ZNF831: variants seen among roughly 807,000 people sequenced by gnomAD.
ZNF831 encodes the protein zinc finger protein 831, also known as chromosome 20 open reading frame 174.
A neutral mutation model predicts 95.8 loss-of-function variants in ZNF831; 59 were observed. The observed-to-expected ratio is 0.62, with a 90% CI of 0.50 to 0.77. The LOEUF (loss-of-function observed/expected upper bound fraction) is 0.77. Among genes scored for constraint, ZNF831 ranks in the 30% least tolerant of loss-of-function variants. ZNF831 has a pLI of 0.00. For missense variants in ZNF831, 2,205 were observed against 2,164.0 expected (o/e 1.02, Z -0.38); for synonymous variants, 961 against 925.5 (o/e 1.04, Z -0.70).
In ZNF831 at chr20:59,194,323, G is replaced by A. The variant is rs1983894579; in HGVS notation, c.3304G>A (p.Glu1102Lys). The change falls in exon 2 of 6, where the codon GAG becomes AAG. Residue 1102 changes from glutamate to lysine, a missense_variant. Glu to Lys is a moderately conservative substitution (Grantham distance 56). Transcript: ENST00000371030. ...DVLNPWVPNW[E>K]LGEPPGNAPE... ...CCTGAATCCCTGGGTACCCAACTGG[G>A]AGCTGGGGGAGCCTCCTGGGAATGC... The A allele has an allele frequency of 1.9e-6, 3 of 1,613,740 alleles. No individual in the cohort carries two copies. The highest frequency in any genetic ancestry group is 2.2e-5 in the East Asian group (1 of 44,876).
In ZNF831 at chr20:59,164,205, A is replaced by T. The variant is rs1363927821; in HGVS notation, c.-39A>T. Among the ~76,000 whole-genome samples, 1 of 152,158 alleles carries T rather than the reference A, an allele frequency of 6.6e-6. No homozygotes were observed. Among genetic ancestry groups the T allele is most frequent in the Non-Finnish European group, 1.5e-5 (1 of 68,028 alleles). On this transcript the variant is annotated splice_region_variant and 5_prime_UTR_variant, in exon 1 of 6. Coordinates refer to ENST00000371030, the MANE Select transcript of ZNF831 (RefSeq NM_178457.3). ...GGCTGAAAACACTCCACTGTTTATA[A>T]AGGTATGTAACATGCTCCATGACAT...
chr20:59,215,996 T>G (rs1985653151), intron 4 of ZNF831, among the ~76,000 whole-genome samples: 1 of 152,202 alleles, frequency 6.6e-6, no homozygotes, highest in Non-Finnish European at 1.5e-5. Context: ...CAAGATGCAT[T>G]AGCACCTAGT....
chr20:59,150,636 G>C (rs898157002), intron 2 of ZNF831, among the ~76,000 whole-genome samples: 1 of 152,210 alleles, frequency 6.6e-6, no homozygotes, highest in Non-Finnish European at 1.5e-5. Flanking sequence ...TCTCCATCCA[G>C]ATTAATTCCT....
intron 3 of ZNF831, among the ~76,000 whole-genome samples, chr20:59,202,535 T>G (rs1984608514): frequency 6.6e-6 from 1 of 152,120 alleles, no homozygotes; most frequent in Non-Finnish European, 1.5e-5. Flanking sequence ...CAATAAATAT[T>G]TGTTTTGCTT....
At chr20:59,176,268 C>T (rs1156983145) in intron 1 of ZNF831, among the ~76,000 whole-genome samples, 1 of 152,142 alleles carries the variant, frequency 6.6e-6, no homozygotes, top group Non-Finnish European at 1.5e-5. Flanking sequence ...CTGGAAAAGA[C>T]AAACTTATAG....
chr20:59,125,809 C>T (rs901230733), intron 1 of ZNF831, among the ~76,000 whole-genome samples: 12 of 152,064 alleles, frequency 7.9e-5, no homozygotes, highest in African/African-American at 2.4e-4. Context: ...AATCTAAAGC[C>T]GTGACTACAG....
intron 4 of ZNF831, among the ~76,000 whole-genome samples, chr20:59,246,990 C>A (rs555126923): frequency 6.6e-6 from 1 of 152,302 alleles, no homozygotes; most frequent in Non-Finnish European, 1.5e-5. Context: ...AGGAATAAAA[C>A]CTCTTTCTTC....
At chr20:59,252,935 T>G in intron 4 of ZNF831, 43 bp from the exon 5 acceptor site, 1 of 1,591,406 alleles carries the variant, frequency 6.3e-7, no homozygotes, top group Non-Finnish European at 8.6e-7. Flanking sequence ...CTTTGCTAAT[T>G]TTATAATTCC....
intron 1 of ZNF831, among the ~76,000 whole-genome samples, chr20:59,139,174 T>C (rs1265092091): frequency 6.6e-6 from 1 of 152,218 alleles, no homozygotes; most frequent in African/African-American, 2.4e-5. Flanking sequence ...ATTTTCTGCT[T>C]AGGCCTTGAG....
At chr20:59,129,491 C>T (rs532955447) in intron 1 of ZNF831, among the ~76,000 whole-genome samples, 19 of 152,162 alleles carry the variant, frequency 1.2e-4, no homozygotes, top group South Asian at 4.2e-4. Context: ...AATGTGGTGG[C>T]GGGCGCCTGT....
upstream of ZNF831, chr20:59,160,760 C>T (rs538315873): frequency 2.0e-5 from 3 of 150,738 alleles, no homozygotes; most frequent in South Asian, 2.1e-4. Flanking sequence ...GAGTCTCCCT[C>T]GGACACACAG....
At chr20:59,179,621 G>A (rs1030762182) in intron 1 of ZNF831, among the ~76,000 whole-genome samples, 3 of 152,032 alleles carry the variant, frequency 2.0e-5, no homozygotes, top group Non-Finnish European at 2.9e-5. Flanking sequence ...CTGGCTTGTG[G>A]CTGGATTTTG....
chr20:59,172,489 C>T (rs1357437425), intron 1 of ZNF831, among the ~76,000 whole-genome samples: 1 of 152,174 alleles, frequency 6.6e-6, no homozygotes, highest in Admixed American at 6.5e-5. Flanking sequence ...ATGCATTTCT[C>T]AGCGCCCTCC....
intron 1 of ZNF831, among the ~76,000 whole-genome samples, chr20:59,179,241 C>A (rs1235368130): frequency 6.6e-6 from 1 of 152,196 alleles, no homozygotes; most frequent in East Asian, 1.9e-4. Flanking sequence ...TAGAGTCCAT[C>A]AATGGGAAGT....
chr20:59,227,586 C>T (rs925177406), intron 4 of ZNF831, among the ~76,000 whole-genome samples: 2 of 152,244 alleles, frequency 1.3e-5, no homozygotes, highest in African/African-American at 2.4e-5. Flanking sequence ...TCTATCTTCT[C>T]ATGCATTATT....
Position 59,192,519 on chromosome 20 carries a change from C to G in ZNF831, c.1500C>G (p.Pro500=). The G allele has an allele frequency of 6.5e-7, 1 of 1,535,540 alleles. No individual in the cohort carries two copies. The change falls in exon 2 of 6, where the codon CCC becomes CCG. Residue 500 remains proline (P), a synonymous_variant. Coordinates refer to ENST00000371030, the MANE Select transcript of ZNF831 (RefSeq NM_178457.3). The surrounding 1 kb of genome is among the most constrained non-coding windows in gnomAD (Gnocchi z 5.2). ...TCTCCACCACCGTGGAATGTGTCCC[C>G]GTCACCAGGAGCAACTCGCTGCCCT... ...TQLSTTVECV[P]VTRSNSLPFV... is the part of the protein sequence containing the mutation.
intron 1 of ZNF831, among the ~76,000 whole-genome samples, 99 bp downstream of exon 1, chr20:59,164,306 G>C (rs977392171): frequency 3.3e-5 from 5 of 152,114 alleles, no homozygotes; most frequent in Non-Finnish European, 4.4e-5. Context: ...CTTCAAGCAC[G>C]CAGTTAAAGG....
At chr20:59,241,472 A>AC (rs1324013807) in intron 4 of ZNF831, among the ~76,000 whole-genome samples, 1 of 152,172 alleles carries the variant, frequency 6.6e-6, no homozygotes, top group African/African-American at 2.4e-5. Flanking sequence ...TATTTCGGTG[A>AC]CCCCACAGTC....
intron 1 of ZNF831, among the ~76,000 whole-genome samples, chr20:59,190,614 T>C (rs1338661327): frequency 6.6e-6 from 1 of 152,246 alleles, no homozygotes; most frequent in Non-Finnish European, 1.5e-5. Flanking sequence ...TGCATGACTT[T>C]TTCATGAAGT....
Sources: gnomAD v4.1 joint callset for allele counts (sites outside exome capture counted in the v4.1 genomes callset) on GRCh38, gnomAD v4.1.1 for gene constraint, Gnocchi (gnomAD v3.1) non-coding constraint, MANE v1.5 for transcripts, NCBI Gene and HGNC (gene_info 2026-07-23, HGNC 2026-07-21) for gene names.